ABI2: variants seen among roughly 807,000 people sequenced by gnomAD.
ABI2 encodes the protein abelson interactor 2.
A neutral mutation model predicts 59.2 loss-of-function variants in ABI2; 25 were observed. That is an observed-to-expected ratio of 0.42 (90% CI 0.31 to 0.59). ABI2 has a LOEUF of 0.59. Ranked by LOEUF, ABI2 falls within the 20% of genes least tolerant of loss-of-function variation. The probability of loss-of-function intolerance (pLI) is 0.14; values close to 1 mark genes in which losing one functional copy is unlikely to be tolerated. For synonymous variants in ABI2, 213 were observed against 235.5 expected (o/e 0.90, Z 0.87); for missense variants, 545 against 681.8 (o/e 0.80, Z 2.23).
intron 1 of ABI2, among the ~76,000 whole-genome samples, chr2:203,352,064 A>G (rs2089011314): frequency 6.6e-6 from 1 of 152,198 alleles, no homozygotes; most frequent in Non-Finnish European, 1.5e-5. Flanking sequence ...ATAGAAGAGC[A>G]AAGGCAGAAG....
At chr2:203,414,135 T>G (rs902016859) in intron 10 of ABI2, among the ~76,000 whole-genome samples, 2 of 146,526 alleles carry the variant, frequency 1.4e-5, no homozygotes, top group African/African-American at 5.1e-5. Context: ...ACAGTCTCAC[T>G]CTGTCACCCA....
chr2:203,364,724 TA>T (rs1455789571), intron 1 of ABI2, among the ~76,000 whole-genome samples: 1 of 151,388 alleles, frequency 6.6e-6, no homozygotes, highest in Non-Finnish European at 1.5e-5. Flanking sequence ...TGCACATACA[TA>T]TTTTTTTAAT....
At chr2:203,368,905 C>T (rs560349420) in intron 2 of ABI2, among the ~76,000 whole-genome samples, 61 of 150,618 alleles carry the variant, frequency 4.0e-4, no homozygotes, top group South Asian at 2.7e-3. Context: ...CAACCTCGAA[C>T]TCCTGGGCTC....
chr2:203,357,467 G>A (rs1045166877), intron 1 of ABI2, among the ~76,000 whole-genome samples: 9 of 152,262 alleles, frequency 5.9e-5, no homozygotes, highest in African/African-American at 1.9e-4. Context: ...TTTATGTTCT[G>A]AATCTCACGA....
chr2:203,389,149 T>A (rs886335867), intron 4 of ABI2, among the ~76,000 whole-genome samples: 2 of 152,204 alleles, frequency 1.3e-5, no homozygotes, highest in Non-Finnish European at 2.9e-5. Context: ...TTGATTTTTT[T>A]AAAAAAACTT....
At position 203,423,059 on chromosome 2, in the gene ABI2, A is replaced by G. The variant is rs542159863; in HGVS notation, c.1454-4118A>G. Among the ~76,000 whole-genome samples, 5 of 152,304 alleles carry G rather than the reference A, an allele frequency of 3.3e-5. No homozygotes were observed. In the East Asian group the frequency reaches 9.6e-4, roughly 29 times the overall value. ...TTCCAGTGGCTTGCTAGTTTAGGGT[A>G]CTTAATTGTTAGGTGTGGTTGCTAA... On this transcript the variant is annotated intron_variant, in intron 11 of 11. Transcript: ENST00000261018.
At chr2:203,400,079 C>CTTTTTTT (rs10581610) in intron 8 of ABI2, among the ~76,000 whole-genome samples, 1 of 59,510 alleles carries the variant, frequency 1.7e-5, no homozygotes, top group African/African-American at 7.4e-5. Context: ...TGAATAGTGT[C>CTTTTTTT]TTTTTTTTTT....
intron 1 of ABI2, among the ~76,000 whole-genome samples, chr2:203,335,676 A>G (rs1167590497): frequency 2.6e-5 from 4 of 152,146 alleles, no homozygotes; most frequent in Non-Finnish European, 5.9e-5. Flanking sequence ...TACTTTTCAT[A>G]TTTGCATAAT....
At position 203,402,576 on chromosome 2, in the gene ABI2, G is replaced by T; in HGVS notation, c.1034G>T (p.Gly345Val). ...PPVVSSTPPT[G>V]HPVQFYSMNR... is the part of the protein sequence containing the mutation. ...TATGTATGTTCTATCTCTTTTTCAGGTCATCCTGTACAGTTCTACAGCATG... is the reference window on the plus strand; with the variant it reads ...TATGTATGTTCTATCTCTTTTTCAGTTCATCCTGTACAGTTCTACAGCATG... The change falls in exon 9 of 12, where the codon GGT becomes GTT. Residue 345 changes from glycine to valine, a missense_variant and splice_region_variant. Transcript: ENST00000261018. The T allele has an allele frequency of 1.4e-6, 2 of 1,475,162 alleles. No homozygotes were observed. The highest frequency in any genetic ancestry group is 1.8e-6 in the Non-Finnish European group (2 of 1,112,664). The allele number at this position is 1,475,162 out of a possible 1,614,324, so 91.4% of individuals were successfully genotyped here. A position where few individuals can be genotyped will look rare whatever the true frequency, so the allele number is the denominator to read the frequency against.
chr2:203,378,886 C>T (rs954004617), intron 2 of ABI2, among the ~76,000 whole-genome samples: 6 of 152,042 alleles, frequency 3.9e-5, no homozygotes, highest in African/African-American at 1.4e-4. Flanking sequence ...GCACATAATT[C>T]ATGTATATAT....
intron 4 of ABI2, among the ~76,000 whole-genome samples, chr2:203,387,033 T>C (rs1344972121): frequency 1.3e-5 from 2 of 151,186 alleles, no homozygotes; most frequent in East Asian, 4.0e-4. Flanking sequence ...TTGTCTCCTT[T>C]TTTTTCCCCG....
chr2:203,370,657 G>T (rs2095083970), intron 2 of ABI2, among the ~76,000 whole-genome samples: 1 of 152,014 alleles, frequency 6.6e-6, no homozygotes, highest in Non-Finnish European at 1.5e-5. Flanking sequence ...TTAAAATATT[G>T]TGTGTTTCTA....
intron 1 of ABI2, among the ~76,000 whole-genome samples, chr2:203,354,988 A>G (rs1056451568): frequency 1.3e-5 from 2 of 152,212 alleles, no homozygotes; most frequent in African/African-American, 4.8e-5. Flanking sequence ...ACAAGAAGAC[A>G]TAAGTGTGTC....
At chr2:203,402,779 A>G (rs2097272952) in intron 9 of ABI2, 45 bp downstream of exon 9, 2 of 1,461,264 alleles carry the variant, frequency 1.4e-6, no homozygotes, top group African/African-American at 2.9e-5. Context: ...GTATTTAATT[A>G]AAAACCTTCA....
At chr2:203,343,962 C>T (rs1425919068) in intron 1 of ABI2, among the ~76,000 whole-genome samples, 4 of 151,962 alleles carry the variant, frequency 2.6e-5, no homozygotes, top group South Asian at 4.1e-4. Flanking sequence ...AGAGAGACCC[C>T]GTCTCTACAA....
intron 11 of ABI2, among the ~76,000 whole-genome samples, chr2:203,422,268 G>GC (rs71007517): frequency 0.82 from 123,881 of 151,982 alleles, 50,846 homozygotes; most frequent in Middle Eastern, 0.93. Flanking sequence ...CACTGCCTGG[G>GC]GACAGTAAGA....
At chr2:203,418,987 C>T (rs1462904904) in intron 11 of ABI2, among the ~76,000 whole-genome samples, 1 of 152,070 alleles carries the variant, frequency 6.6e-6, no homozygotes, top group African/African-American at 2.4e-5. Flanking sequence ...AGAATGACTG[C>T]ATGGTTCTCA....
chr2:203,393,398 T>C (rs904008883), intron 5 of ABI2, among the ~76,000 whole-genome samples: 5 of 152,240 alleles, frequency 3.3e-5, no homozygotes, highest in Non-Finnish European at 7.3e-5. Flanking sequence ...GTCTGAAAAT[T>C]AGATGTTGGA....
intron 1 of ABI2, among the ~76,000 whole-genome samples, chr2:203,361,647 A>G (rs2093528057): frequency 6.6e-6 from 1 of 152,204 alleles, no homozygotes; most frequent in African/African-American, 2.4e-5. Flanking sequence ...GTTGTGTTGC[A>G]TGGCAATAAA....
Sources: allele counts gnomAD v4.1 joint callset (sites outside exome capture counted in the v4.1 genomes callset), GRCh38; gene constraint gnomAD v4.1.1; transcripts MANE v1.5; gene names NCBI Gene and HGNC (gene_info 2026-07-23, HGNC 2026-07-21).